Variants in TFEB observed in about 807,000 individuals in gnomAD.
TFEB encodes the protein T-cell transcription factor EB.
In TFEB, 12 loss-of-function variants were observed where a neutral mutation model predicts 48.0. That is an observed-to-expected ratio of 0.25 (90% CI 0.16 to 0.40). The LOEUF (loss-of-function observed/expected upper bound fraction) is 0.40. Ranked by LOEUF, TFEB falls within the 10% of genes least tolerant of loss-of-function variation. The pLI, the probability that TFEB is intolerant of heterozygous loss-of-function variation, is 1.00. For synonymous variants in TFEB, 244 were observed against 261.4 expected (o/e 0.93, Z 0.64); for missense variants, 509 against 640.3 (o/e 0.79, Z 2.21).
intron 1 of TFEB, chr6:41,733,030 G>T (rs1329835759): frequency 1.0e-6 from 1 of 985,394 alleles, no homozygotes; most frequent in Non-Finnish European, 1.2e-6. Context: ...TACTCCCTGT[G>T]GGGGCAGGTG....
chr6:41,694,032 G>C (rs1245643532), intron 1 of TFEB, among the ~76,000 whole-genome samples: 1 of 148,448 alleles, frequency 6.7e-6, no homozygotes, highest in Non-Finnish European at 1.5e-5. Context: ...TCTGACTTCA[G>C]TTGGCCCTGG....
At chr6:41,694,798 C>A (rs1037927689) in intron 1 of TFEB, among the ~76,000 whole-genome samples, 1 of 152,104 alleles carries the variant, frequency 6.6e-6, no homozygotes. Context: ...ACACTGGGGG[C>A]CTGGAGTGCC....
At chr6:41,708,139 TGTGA>T (rs1019644155) in intron 1 of TFEB, among the ~76,000 whole-genome samples, 77 of 152,352 alleles carry the variant, frequency 5.1e-4, no homozygotes, top group African/African-American at 1.7e-3. Context: ...CTTCCTCTGC[TGTGA>T]GTGCCTGGAG....
At chr6:41,701,375 C>G (rs528186832) in intron 1 of TFEB, among the ~76,000 whole-genome samples, 90 of 152,358 alleles carry the variant, frequency 5.9e-4, no homozygotes, top group African/African-American at 2.1e-3. Flanking sequence ...TGCCACCTAC[C>G]AGTCTCCTCA....
intron 3 of TFEB, 109 bp downstream of exon 3, chr6:41,690,554 G>T: frequency 7.7e-7 from 1 of 1,306,892 alleles, no homozygotes; most frequent in Non-Finnish European, 9.9e-7. Flanking sequence ...CTCAGACTGA[G>T]TCTCCCTGAA....
intron 1 of TFEB, among the ~76,000 whole-genome samples, chr6:41,731,809 G>A (rs1771462270): frequency 6.6e-6 from 1 of 152,212 alleles, no homozygotes; most frequent in Non-Finnish European, 1.5e-5. Context: ...ACAAAGCCGG[G>A]CACCTAGAAG....
At chr6:41,713,138 C>T (rs999053625) in intron 1 of TFEB, among the ~76,000 whole-genome samples, 1 of 152,020 alleles carries the variant, frequency 6.6e-6, no homozygotes, top group African/African-American at 2.4e-5. Context: ...GTCCTCCCTC[C>T]CCAGCTTACC....
chr6:41,731,742 T>C (rs767526917), intron 1 of TFEB, among the ~76,000 whole-genome samples: 23 of 152,210 alleles, frequency 1.5e-4, no homozygotes, highest in Non-Finnish European at 2.6e-4. Flanking sequence ...GCACATCTGA[T>C]TAAACAAGGG....
At chr6:41,722,743 A>ATTT (rs1771035311) in intron 1 of TFEB, among the ~76,000 whole-genome samples, 1 of 152,238 alleles carries the variant, frequency 6.6e-6, no homozygotes, top group African/African-American at 2.4e-5. Context: ...AACTTCCACC[A>ATTT]TCAAAAATGA....
chr6:41,709,651 T>C (rs1770394726), intron 1 of TFEB, among the ~76,000 whole-genome samples: 1 of 151,996 alleles, frequency 6.6e-6, no homozygotes. Flanking sequence ...GATGGATGGA[T>C]ATAATGGATG....
At chr6:41,709,430 A>C (rs1215530353) in intron 1 of TFEB, among the ~76,000 whole-genome samples, 1 of 152,244 alleles carries the variant, frequency 6.6e-6, no homozygotes, top group Non-Finnish European at 1.5e-5. Context: ...GGTGCTCAAT[A>C]AATATTAGAT....
chr6:41,727,663 G>T (rs181591472), intron 1 of TFEB, among the ~76,000 whole-genome samples: 12 of 152,326 alleles, frequency 7.9e-5, no homozygotes, highest in Admixed American at 7.2e-4. Context: ...CTGCACTCCA[G>T]CCTGGGCAAC....
chr6:41,722,434 C>T (rs1771021361), intron 1 of TFEB, among the ~76,000 whole-genome samples: 2 of 152,230 alleles, frequency 1.3e-5, no homozygotes, highest in Admixed American at 1.3e-4. Context: ...CATCCTCCTC[C>T]TCTCCCATAC....
chr6:41,687,768 C>T lies in TFEB; in HGVS notation c.712G>A (p.Asp238Asn), dbSNP rs1769085869. 1 of 1,613,992 alleles carries T rather than the reference C, an allele frequency of 6.2e-7. No individual in the cohort carries two copies. The highest frequency in any genetic ancestry group is 1.3e-5 in the African/African-American group (1 of 74,932). Residue 238 changes from aspartate (D) to asparagine (N), a missense_variant, in exon 6 of 9, where the codon GAC (aspartate) becomes AAC (asparagine). By Grantham distance (23) the Asp-to-Asn change is conservative (BLOSUM62 1). Coordinates refer to ENST00000373033, the MANE Select transcript of TFEB (RefSeq NM_001271944.2). The stretch of plus-strand genomic sequence containing the variant: ...CAGGACTCACTTAAGTTGTGATTGT[C>T]TTTCTTCTGCCGCTCCTTGGCCAGG... ...RALAKERQKK[D>N]NHNLIERRRR...
rs1172994892 is a variant in TFEB at position 41,689,826 on chromosome 6, A to T, written c.469-15T>A. 6.2e-7 allele frequency: 1 copy of T among 1,611,958 alleles called. No individual in the cohort carries two copies. The highest frequency in any genetic ancestry group is 1.3e-5 in the African/African-American group (1 of 74,990). ...ACATCATCCAACTGGAAAAGAGAAAAGTCCATCTGGGGAGGGCCCACCACG... is the reference window on the plus strand; with the variant it reads ...ACATCATCCAACTGGAAAAGAGAAATGTCCATCTGGGGAGGGCCCACCACG... On this transcript the variant is annotated splice_polypyrimidine_tract_variant and intron_variant, in intron 3 of 8. Transcript: ENST00000373033.
intron 1 of TFEB, among the ~76,000 whole-genome samples, chr6:41,722,938 A>G (rs1004126273): frequency 3.9e-5 from 6 of 152,172 alleles, no homozygotes; most frequent in African/African-American, 1.4e-4. Context: ...CATGTTACAG[A>G]TGAGGAAGCA....
upstream of TFEB, chr6:41,736,039 G>A: frequency 1.4e-6 from 2 of 1,417,008 alleles, no homozygotes; most frequent in East Asian, 2.3e-5. Flanking sequence ...TCCCTGCCCC[G>A]ATCATAAGGG....
In TFEB at chr6:41,734,655, G is replaced by C. The variant is rs1771595648; in HGVS notation, c.-23+695C>G. On this transcript the variant is annotated intron_variant, in intron 1 of 8. Transcript: ENST00000373033. This position sits in a 1 kb window ranked among gnomAD's most constrained non-coding sequence, Gnocchi z 4.0. ...GGGGCGCACGGAGGGAGCGCTCCGG[G>C]GTTGGTGTTCCCCAGGGTCATAGAA... Among the ~76,000 whole-genome samples, 1 of 151,930 alleles carries C rather than the reference G, an allele frequency of 6.6e-6. No homozygotes were observed. Among genetic ancestry groups the C allele is most frequent in the Non-Finnish European group, 1.5e-5 (1 of 67,914 alleles).
Position 41,691,901 on chromosome 6 carries a change from C to T in TFEB, c.-22-666G>A, listed in dbSNP as rs1332006781. On this transcript the variant is annotated intron_variant, in intron 1 of 8. Coordinates refer to ENST00000373033, the MANE Select transcript of TFEB (RefSeq NM_001271944.2). The surrounding 1 kb of genome is among the most constrained non-coding windows in gnomAD (Gnocchi z 5.2). Reference sequence around the variant, plus strand: ...GTTTTATCTGCTCCGGCTACATCCTCCAGGCACTTTGAAATCCCCGAAACA... The same window carrying T: ...GTTTTATCTGCTCCGGCTACATCCTTCAGGCACTTTGAAATCCCCGAAACA... Among the ~76,000 whole-genome samples the T allele has an allele frequency of 6.6e-6, 1 of 152,130 alleles. No homozygotes were observed. The highest frequency in any genetic ancestry group is 1.5e-5 in the Non-Finnish European group (1 of 68,020).
Sources: gnomAD v4.1 joint callset for allele counts (sites outside exome capture counted in the v4.1 genomes callset) on GRCh38, gnomAD v4.1.1 for gene constraint, Gnocchi (gnomAD v3.1) non-coding constraint, MANE v1.5 for transcripts, NCBI Gene and HGNC (gene_info 2026-07-23, HGNC 2026-07-21) for gene names.